The following ENTPD5 variants were observed in gnomAD, a reference collection of about 807,000 sequenced individuals.
ENTPD5 encodes the protein nucleoside diphosphate phosphatase ENTPD5.
A neutral mutation model predicts 60.2 loss-of-function variants in ENTPD5; 49 were observed. That is an observed-to-expected ratio of 0.81 (90% CI 0.65 to 1.03). The LOEUF (loss-of-function observed/expected upper bound fraction) is 1.03, where lower values mean the gene tolerates loss of function less well. Ranked by LOEUF, ENTPD5 falls within the 50% of genes least tolerant of loss-of-function variation. ENTPD5 has a pLI of 0.00. For synonymous variants in ENTPD5, 187 were observed against 185.4 expected (o/e 1.01, Z -0.07); for missense variants, 480 against 507.6 (o/e 0.95, Z 0.52).
At chr14:73,974,176 C>A (rs936826414) in intron 11 of ENTPD5, among the ~76,000 whole-genome samples, 198 bp from the exon 12 acceptor site, 1 of 152,112 alleles carries the variant, frequency 6.6e-6, no homozygotes, top group African/African-American at 2.4e-5. Context: ...GGTTGGTGAA[C>A]CCCCTGAAAC....
chr14:74,003,360 C>A, intron 3 of ENTPD5: 1 of 578,712 alleles, frequency 1.7e-6, no homozygotes, highest in South Asian at 1.6e-5. Flanking sequence ...GGGTTTCTCT[C>A]AGCCTTAGCG....
chr14:74,003,566 G>T, intron 3 of ENTPD5: 1 of 661,192 alleles, frequency 1.5e-6, no homozygotes, highest in Admixed American at 2.1e-5. Flanking sequence ...GGGACTGCAT[G>T]CTATTGTGTA....
chr14:74,000,324 G>T lies in ENTPD5; in HGVS notation c.-71+10767C>A, dbSNP rs137859095. Among the ~76,000 whole-genome samples the T allele has an allele frequency of 3.7e-3, 561 of 152,006 alleles. 4 individuals carry two copies. The highest frequency in any genetic ancestry group is 6.0e-3 in the Non-Finnish European group (407 of 68,016). On this transcript the variant is annotated intron_variant, in intron 3 of 15. Transcript: ENST00000334696. ...ATACAAAAACTAGTCAGGCATGGTG[G>T]AATGCACCTGTAGTCCCAGCTATTT...
intron 15 of ENTPD5, among the ~76,000 whole-genome samples, chr14:73,969,207 T>C (rs1326677968): frequency 6.6e-6 from 1 of 152,212 alleles, no homozygotes; most frequent in Non-Finnish European, 1.5e-5. Flanking sequence ...TGTGCTCCCA[T>C]GACCGAACTT....
intron 3 of ENTPD5, among the ~76,000 whole-genome samples, chr14:73,993,280 T>C (rs898233755): frequency 1.3e-5 from 2 of 152,170 alleles, no homozygotes; most frequent in South Asian, 2.1e-4. Context: ...TGAGGTTCAG[T>C]GAGCTGTGAC....
intron 3 of ENTPD5, among the ~76,000 whole-genome samples, chr14:73,997,021 A>G (rs2058360737): frequency 6.6e-6 from 1 of 152,196 alleles, no homozygotes; most frequent in Non-Finnish European, 1.5e-5. Context: ...AGAAATGCAC[A>G]CAAAGTGCTC....
At chr14:74,017,413 C>A (rs1282592063) in intron 1 of ENTPD5, among the ~76,000 whole-genome samples, 1 of 151,504 alleles carries the variant, frequency 6.6e-6, no homozygotes, top group African/African-American at 2.4e-5. Flanking sequence ...AACCCTGTCT[C>A]TACTAAAAAT....
chr14:73,983,136 A>G lies in ENTPD5; in HGVS notation c.323T>C (p.Leu108Ser), dbSNP rs776870222. The change falls in exon 6 of 16, where the codon TTA becomes TCA. Residue 108 changes from leucine to serine, a missense_variant. Transcript: ENST00000334696. The part of the protein sequence containing the change: ...KQGAETVQGL[L>S]EVAKDSIPRS... Reference sequence around the variant, plus strand: ...GGGGATTGAGTCTTTGGCCACCTCTAAGAGCCCTTGAACGGTCTCAGCACC... The same window carrying G: ...GGGGATTGAGTCTTTGGCCACCTCTGAGAGCCCTTGAACGGTCTCAGCACC... 1 of 1,614,084 alleles carries G rather than the reference A, an allele frequency of 6.2e-7. No individual in the cohort carries two copies. The highest frequency in any genetic ancestry group is 8.5e-7 in the Non-Finnish European group (1 of 1,179,978).
downstream of ENTPD5, chr14:73,962,561 GAA>G (rs141459361): frequency 2.3e-5 from 4 of 173,558 alleles, no homozygotes; most frequent in Non-Finnish European, 4.8e-5. Context: ...CCAGTCTCTT[GAA>G]AAAAAAAAAT....
intron 1 of ENTPD5, among the ~76,000 whole-genome samples, chr14:74,018,203 A>C (rs999154444): frequency 1.3e-5 from 2 of 151,974 alleles, no homozygotes; most frequent in Non-Finnish European, 2.9e-5. Flanking sequence ...AAAGTTTACA[A>C]GGCTTATCAT....
chr14:73,955,881 A>G (rs767839919), downstream of ENTPD5: 8 of 1,614,050 alleles, frequency 5.0e-6, no homozygotes, highest in Admixed American at 1.3e-4. Context: ...ATCGTGGAGA[A>G]TGATGTCATC....
intron 3 of ENTPD5, among the ~76,000 whole-genome samples, chr14:73,993,077 CTGTA>C (rs1447143906): frequency 1.3e-5 from 2 of 152,098 alleles, no homozygotes; most frequent in Non-Finnish European, 2.9e-5. Context: ...TGGCTCATGC[CTGTA>C]ATCCCGGCAG....
intron 3 of ENTPD5, among the ~76,000 whole-genome samples, chr14:73,988,682 C>A (rs1217203714): frequency 6.6e-6 from 1 of 152,200 alleles, no homozygotes; most frequent in Non-Finnish European, 1.5e-5. Context: ...ACCCCACTAG[C>A]CTTCCCAGCC....
intron 3 of ENTPD5, chr14:74,003,424 T>C: frequency 9.2e-7 from 1 of 1,088,938 alleles, no homozygotes; most frequent in Non-Finnish European, 1.3e-6. Flanking sequence ...AAAAAGCGAA[T>C]GTGCAGTCTG....
chr14:73,968,749 T>C (rs2057093811), intron 15 of ENTPD5, among the ~76,000 whole-genome samples: 1 of 152,100 alleles, frequency 6.6e-6, no homozygotes, highest in Non-Finnish European at 1.5e-5. Context: ...TCTACATAAG[T>C]TTTTGTTGGA....
At chr14:74,007,410 A>G (rs2058713189) in intron 3 of ENTPD5, among the ~76,000 whole-genome samples, 1 of 152,050 alleles carries the variant, frequency 6.6e-6, no homozygotes, top group Non-Finnish European at 1.5e-5. Context: ...AGTCTCAGCT[A>G]CTCAGGAGGC....
Position 73,983,104 on chromosome 14 carries a change from G to T in ENTPD5, c.355C>A (p.His119Asn), listed in dbSNP as rs774391453. The change falls in exon 6 of 16, where the codon CAC (histidine) becomes AAC (asparagine). Residue 119 changes from histidine to asparagine, a missense_variant. Physicochemically the swap from His to Asn is moderately conservative, Grantham distance 68. Transcript: ENST00000334696. ...EVAKDSIPRS[H>N]WKKTPVVLKA... ...AGGACCACTGGGGTCTTTTTCCAGT[G>T]ACTTCGGGGGATTGAGTCTTTGGCC... 5 of 1,614,148 alleles carry T rather than the reference G, an allele frequency of 3.1e-6. No individual in the cohort carries two copies. The Admixed American group carries it at 8.3e-5, about 27-fold the overall frequency.
downstream of ENTPD5, chr14:73,961,200 A>G (rs1173142007): frequency 1.9e-6 from 3 of 1,613,944 alleles, no homozygotes; most frequent in South Asian, 1.1e-5. Context: ...CACGGACTTC[A>G]TCGACACAGC....
intron 6 of ENTPD5, 85 bp downstream of exon 6, chr14:73,982,933 G>T: frequency 7.2e-7 from 1 of 1,393,180 alleles, no homozygotes; most frequent in Non-Finnish European, 9.9e-7. Context: ...GAAGGTAGTG[G>T]TCACATTCCA....
Sources: gnomAD v4.1 joint callset for allele counts (sites outside exome capture counted in the v4.1 genomes callset) on GRCh38, gnomAD v4.1.1 for gene constraint, MANE v1.5 for transcripts, NCBI Gene and HGNC (gene_info 2026-07-23, HGNC 2026-07-21) for gene names.